ZNF652: variants seen among roughly 807,000 people sequenced by gnomAD.
ZNF652 encodes the protein zinc finger protein 652.
Under a neutral mutation model 45.2 loss-of-function variants are expected in ZNF652, and 16 were observed. The ratio of observed to expected loss-of-function variants is 0.35; its 90% CI spans 0.24 to 0.54. The LOEUF (loss-of-function observed/expected upper bound fraction) is 0.54. Among genes scored for constraint, ZNF652 ranks in the 20% least tolerant of loss-of-function variants. The probability of loss-of-function intolerance (pLI) is 0.91; values close to 1 mark genes in which losing one functional copy is unlikely to be tolerated. For synonymous variants in ZNF652, 250 were observed against 260.6 expected, an observed-to-expected ratio of 0.96 and a Z score of 0.39; for missense variants, 614 against 765.6, an observed-to-expected ratio of 0.80 and a Z score of 2.34.
upstream of ZNF652, chr17:49,362,286 G>GTTTTTTT (rs1468076972): frequency 6.6e-6 from 1 of 150,644 alleles, no homozygotes; most frequent in East Asian, 2.0e-4. Flanking sequence ...CGCGCCCGCG[G>GTTTTTTT]CCCCTTCCCT....
At chr17:49,315,606 G>A (rs542001876) in intron 2 of ZNF652, among the ~76,000 whole-genome samples, 2 of 149,926 alleles carry the variant, frequency 1.3e-5, no homozygotes, top group South Asian at 2.1e-4. Flanking sequence ...GATCAAGAAC[G>A]CTTTCAGTAA....
intron 1 of ZNF652, among the ~76,000 whole-genome samples, chr17:49,336,311 C>T (rs778340494): frequency 5.3e-4 from 77 of 146,658 alleles, no homozygotes; most frequent in Non-Finnish European, 9.1e-4. Context: ...GCATGAGCTG[C>T]CATGCCCAGC....
rs145980007 is a variant in ZNF652 at position 49,316,587 on chromosome 17, A to G, written c.900+239T>C. On this transcript the variant is annotated intron_variant, in intron 2 of 5. Transcript: ENST00000430262. ...TTGATTTTAACCTCCTGGTCAATCA[A>G]CTATAACAGATCCCCCTTCCAGTGT... Among the ~76,000 whole-genome samples, 276 of 152,314 alleles carry G rather than the reference A, an allele frequency of 1.8e-3. 1 individual carries two copies. The highest frequency in any genetic ancestry group is 6.1e-3 in the African/African-American group (252 of 41,568).
chr17:49,323,198 A>G (rs1416671777), intron 1 of ZNF652, among the ~76,000 whole-genome samples: 1 of 152,240 alleles, frequency 6.6e-6, no homozygotes, highest in African/African-American at 2.4e-5. Context: ...TGCTTTATCA[A>G]CTAAGTTTAT....
At chr17:49,336,679 T>C (rs1297821393) in intron 1 of ZNF652, among the ~76,000 whole-genome samples, 1 of 149,472 alleles carries the variant, frequency 6.7e-6, no homozygotes. Context: ...CAGGCTGGAG[T>C]ACAAAGACGC....
chr17:49,317,748 A>G lies in ZNF652; in HGVS notation c.-23T>C, dbSNP rs757729148. The G allele has an allele frequency of 1.3e-6, 2 of 1,552,014 alleles. No homozygotes were observed. Among genetic ancestry groups the G allele is most frequent in the Admixed American group, 1.9e-5 (1 of 51,946 alleles). ...CATTGGTAAGTGGCCCAATTTATTA[A>G]ACAGTTCAGACTATAAAGAAATAGC... On this transcript the variant is annotated 5_prime_UTR_variant, in exon 2 of 6. Coordinates refer to ENST00000430262, the MANE Select transcript of ZNF652 (RefSeq NM_001145365.3).
intron 1 of ZNF652, among the ~76,000 whole-genome samples, chr17:49,323,963 T>C (rs1332649908): frequency 2.0e-5 from 3 of 152,204 alleles, no homozygotes; most frequent in African/African-American, 4.8e-5. Context: ...CAAGGTGGCT[T>C]CACCTTCGAG....
At position 49,293,371 on chromosome 17, in the gene ZNF652, A is replaced by G. The variant is rs1355749674; in HGVS notation, c.*5042T>C. On this transcript the variant is annotated 3_prime_UTR_variant, in exon 6 of 6. Transcript: ENST00000430262. The stretch of plus-strand genomic sequence containing the variant: ...AGTTTGATTTTCCTTTGAATCTTGC[A>G]AAACCTATCCTCTGAGACAAAAAGA... Among the ~76,000 whole-genome samples the G allele has an allele frequency of 1.3e-5, 2 of 152,216 alleles. No homozygotes were observed. The highest frequency in any genetic ancestry group is 6.5e-5 in the Admixed American group (1 of 15,278).
rs2069378183 is a variant in ZNF652, at chr17:49,289,577, G to T, written c.*8836C>A. 6.6e-6 allele frequency: 1 copy of T among 152,266 alleles called. No individual in the cohort carries two copies. The highest frequency in any genetic ancestry group is 1.5e-5 in the Non-Finnish European group (1 of 68,064). The allele number at this position is 152,266 out of a possible 1,614,324, so 9.4% of individuals were successfully genotyped here. A position where few individuals can be genotyped will look rare whatever the true frequency, so the allele number is the denominator to read the frequency against. On this transcript the variant is annotated 3_prime_UTR_variant, in exon 6 of 6. Coordinates refer to ENST00000430262, the MANE Select transcript of ZNF652 (RefSeq NM_001145365.3). ...CATGGGCTCCTTTGGAGATTCAGGAGCGGAGCTCAGTTCCACCTCACTGCA... is the reference window on the plus strand; with the variant it reads ...CATGGGCTCCTTTGGAGATTCAGGATCGGAGCTCAGTTCCACCTCACTGCA...
At chr17:49,321,316 T>A (rs947044371) in intron 1 of ZNF652, among the ~76,000 whole-genome samples, 4 of 151,688 alleles carry the variant, frequency 2.6e-5, no homozygotes, top group African/African-American at 9.7e-5. Context: ...CAGGCTGGAG[T>A]GCTGTGGCAT....
chr17:49,321,464 C>T (rs981787855), intron 1 of ZNF652, among the ~76,000 whole-genome samples: 20 of 114,704 alleles, frequency 1.7e-4, no homozygotes, highest in Non-Finnish European at 2.9e-4. Flanking sequence ...TTAGGAGAGG[C>T]AGGGTTTCAC....
intron 1 of ZNF652, among the ~76,000 whole-genome samples, chr17:49,341,489 CAAAAAAAA>C (rs754847307): frequency 1.2e-5 from 1 of 82,200 alleles, no homozygotes; most frequent in Non-Finnish European, 2.3e-5. Flanking sequence ...CTCATCTCTA[CAAAAAAAA>C]AAAAAAAAAA....
At position 49,311,351 on chromosome 17, in the gene ZNF652, T is replaced by G; in HGVS notation, c.1270A>C (p.Met424Leu). The G allele has an allele frequency of 1.9e-6, 3 of 1,614,198 alleles. No homozygotes were observed. Among genetic ancestry groups the G allele is most frequent in the Non-Finnish European group, 2.5e-6 (3 of 1,180,026 alleles). The change falls in exon 5 of 6, where the codon ATG becomes CTG. Residue 424 changes from methionine to leucine, a missense_variant. Met to Leu is a conservative substitution (Grantham distance 15). Around this residue, in one of 5 missense-constraint regions of ZNF652, gnomAD observed 81 missense variants for 167.0 expected, o/e 0.48. Coordinates refer to ENST00000430262, the MANE Select transcript of ZNF652 (RefSeq NM_001145365.3). ...MCQWCGKDFN[M>L]KQYFDEHMKT... The stretch of plus-strand genomic sequence containing the variant: ...ATGTGTTCGTCGAAGTACTGCTTCA[T>G]GTTGAAATCCTTGCCACACCACTGG...
intron 5 of ZNF652, among the ~76,000 whole-genome samples, chr17:49,301,892 T>C (rs1250291434): frequency 1.3e-5 from 2 of 151,484 alleles, no homozygotes; most frequent in Non-Finnish European, 2.9e-5. Flanking sequence ...GCCCTTCAAC[T>C]TCTGTGTTAA....
intron 5 of ZNF652, among the ~76,000 whole-genome samples, chr17:49,300,746 G>A (rs751055046): frequency 1.3e-5 from 2 of 152,124 alleles, no homozygotes; most frequent in South Asian, 2.1e-4. Context: ...TTCTCTCAAC[G>A]AATGTGTTTA....
chr17:49,307,884 C>G (rs1211007390), intron 5 of ZNF652, among the ~76,000 whole-genome samples: 1 of 152,020 alleles, frequency 6.6e-6, no homozygotes, highest in African/African-American at 2.4e-5. Context: ...AATATTATAG[C>G]AAATTTATAA....
intron 1 of ZNF652, among the ~76,000 whole-genome samples, chr17:49,340,598 AT>A (rs1274764896): frequency 3.3e-5 from 5 of 151,628 alleles, no homozygotes; most frequent in Admixed American, 6.6e-5. Flanking sequence ...ATATTTTGGA[AT>A]TAATTATAGG....
At chr17:49,321,821 A>G (rs955859721) in intron 1 of ZNF652, among the ~76,000 whole-genome samples, 3 of 152,234 alleles carry the variant, frequency 2.0e-5, no homozygotes, top group Non-Finnish European at 4.4e-5. Context: ...CAGAAGGTAG[A>G]TATTATACCA....
chr17:49,294,787 T>C lies in ZNF652; in HGVS notation c.*3626A>G, dbSNP rs2069449401. ...AACGAGAGACAGCCTCAATTTGTTA[T>C]CTATATAATGCTTAAATGCAGCCTT... On this transcript the variant is annotated 3_prime_UTR_variant, in exon 6 of 6. Transcript: ENST00000430262. 1 of 152,246 alleles carries C rather than the reference T, an allele frequency of 6.6e-6. No homozygotes were observed. Among genetic ancestry groups the C allele is most frequent in the Non-Finnish European group, 1.5e-5 (1 of 68,040 alleles). 9.4% of individuals were successfully genotyped at this position (152,246 alleles called of 1,614,324 possible). A position where few individuals can be genotyped will look rare whatever the true frequency, so the allele number is the denominator to read the frequency against.
Sources: gnomAD v4.1 joint callset for allele counts (sites outside exome capture counted in the v4.1 genomes callset) on GRCh38, gnomAD v4.1.1 for gene constraint, gnomAD v4.1.1 regional missense constraint, MANE v1.5 for transcripts, NCBI Gene and HGNC (gene_info 2026-07-23, HGNC 2026-07-21) for gene names.